Variants in PECAM1 observed in about 807,000 individuals in gnomAD.
PECAM1 encodes platelet endothelial cell adhesion molecule.
In PECAM1, 8 loss-of-function variants were observed where a neutral mutation model predicts 13.8. The ratio of observed to expected loss-of-function variants is 0.58; its 90% CI spans 0.34 to 1.05. The LOEUF is 1.05. Ranked by LOEUF, PECAM1 falls within the 50% of genes least tolerant of loss-of-function variation. The pLI is 0.03. For synonymous variants in PECAM1, 136 were observed against 52.6 expected (o/e 2.58, Z -6.86); for missense variants, 304 against 141.2 (o/e 2.15, Z -5.84).
intron 5 of PECAM1, among the ~76,000 whole-genome samples, chr17:64,367,278 G>A (rs73345122): frequency 0.066 from 10,051 of 152,162 alleles, 1,109 homozygotes; most frequent in African/African-American, 0.23. Context: ...CTGGCAGGGC[G>A]TGGTGGCTCA....
intron 9 of PECAM1, among the ~76,000 whole-genome samples, chr17:64,353,976 G>C (rs1234780192): frequency 7.2e-6 from 1 of 139,700 alleles, no homozygotes; most frequent in Non-Finnish European, 1.5e-5. Flanking sequence ...GTCTTGCTCT[G>C]TTGCCCAGGC....
Position 64,378,021 on chromosome 17 carries a change from G to A in PECAM1, c.188C>T (p.Thr63Ile). Reference protein sequence around the residue: ...LTLQCFADVSTTSHVKPQHQM... With the variant: ...LTLQCFADVSITSHVKPQHQM... ...GTGCTGAGGCTTGACGTGAGAGGTG[G>A]TGCTGACATCCGCGAAGCACTGCAG... is the stretch of plus-strand genomic sequence containing the variant. Residue 63 changes from threonine (T) to isoleucine (I), a missense_variant, in exon 3 of 16, where the codon ACC (threonine) becomes ATC (isoleucine). Transcript: ENST00000563924. 2.1e-6 allele frequency: 1 copy of A among 475,330 alleles called. No homozygotes were observed. The highest frequency in any genetic ancestry group is 6.0e-4 in the Middle Eastern group (1 of 1,660). 29.4% of individuals were successfully genotyped at this position (475,330 alleles called of 1,614,324 possible).
chr17:64,347,819 C>T (rs2035617292), intron 13 of PECAM1, among the ~76,000 whole-genome samples: 1 of 149,712 alleles, frequency 6.7e-6, no homozygotes, highest in Non-Finnish European at 1.5e-5. Context: ...CCACCTCTGC[C>T]TTCCGGGTTC....
In PECAM1 at chr17:64,319,858, G is replaced by C. The variant is rs2034787921; in HGVS notation, c.*3958C>G. On this transcript the variant is annotated 3_prime_UTR_variant, in exon 16 of 16. Transcript: ENST00000563924. ...CAGATCAGGGTGTTTTGTATCTATT[G>C]AGAGACTGTCCTTGCTTGGAGCTGG... 1 of 152,114 alleles carries C rather than the reference G, an allele frequency of 6.6e-6. No individual in the cohort carries two copies. Among genetic ancestry groups the C allele is most frequent in the South Asian group, 2.1e-4 (1 of 4,826 alleles). The allele number at this position is 152,114 out of a possible 1,614,324, so 9.4% of individuals were successfully genotyped here. A position where few individuals can be genotyped will look rare whatever the true frequency, so the allele number is the denominator to read the frequency against.
Position 64,323,356 on chromosome 17 carries a change from A to G in PECAM1, c.*460T>C. ...TTCCAAAGAACAAGGACTAGCCAAA[A>G]CTACAAGCCTTTGAAGGACCAAAGG... On this transcript the variant is annotated 3_prime_UTR_variant, in exon 16 of 16. Transcript: ENST00000563924. The G allele has an allele frequency of 9.2e-7, 1 of 1,081,202 alleles. No individual in the cohort carries two copies. The highest frequency in any genetic ancestry group is 1.1e-6 in the Non-Finnish European group (1 of 888,214). 67.0% of individuals were successfully genotyped at this position (1,081,202 alleles called of 1,614,324 possible). A position where few individuals can be genotyped will look rare whatever the true frequency, so the allele number is the denominator to read the frequency against.
At chr17:64,349,012 A>G (rs1255773135) in intron 12 of PECAM1, among the ~76,000 whole-genome samples, 1 of 152,082 alleles carries the variant, frequency 6.6e-6, no homozygotes, top group Non-Finnish European at 1.5e-5. Flanking sequence ...AGTTCTCCCA[A>G]TTCAGTCTCA....
chr17:64,345,644 C>T (rs908125055), intron 13 of PECAM1, among the ~76,000 whole-genome samples: 116 of 148,074 alleles, frequency 7.8e-4, no homozygotes, highest in Non-Finnish European at 1.4e-3. Flanking sequence ...ACCCGGGAAG[C>T]AGAGGAAGCA....
intron 14 of PECAM1, among the ~76,000 whole-genome samples, chr17:64,334,197 C>A (rs2035206483): frequency 2.0e-5 from 3 of 151,776 alleles, no homozygotes; most frequent in Admixed American, 2.0e-4. Flanking sequence ...CCACTGTCTG[C>A]AAGCTTTCCC....
chr17:64,362,405 T>A (rs1352394231), intron 6 of PECAM1, among the ~76,000 whole-genome samples: 1 of 152,118 alleles, frequency 6.6e-6, no homozygotes. Flanking sequence ...ATCCCAGGAC[T>A]TTGGGAGGCT....
At chr17:64,349,586 T>TAAAAAAAAAAAAAAAA (rs1598018601) in intron 12 of PECAM1, among the ~76,000 whole-genome samples, 1 of 8,344 alleles carries the variant, frequency 1.2e-4, no homozygotes, top group Admixed American at 2.6e-3. Context: ...AGACTCTGTA[T>TAAAAAAAAAAAAAAAA]CAAAAAAAAA....
At chr17:64,329,302 A>G (rs2143677184) in intron 15 of PECAM1, among the ~76,000 whole-genome samples, 1 of 152,250 alleles carries the variant, frequency 6.6e-6, no homozygotes, top group Non-Finnish European at 1.5e-5. Context: ...TGTCTCCTGC[A>G]GCTGATGGCC....
chr17:64,328,261 A>AAGCG (rs199854962), intron 15 of PECAM1, among the ~76,000 whole-genome samples: 10,763 of 152,314 alleles, frequency 0.071, 482 homozygotes, highest in Non-Finnish European at 0.11. Flanking sequence ...TCGCTTCAGG[A>AAGCG]GAACACATCT....
intron 10 of PECAM1, among the ~76,000 whole-genome samples, chr17:64,352,875 C>G (rs1472546922): frequency 6.6e-6 from 1 of 152,074 alleles, no homozygotes; most frequent in African/African-American, 2.4e-5. Context: ...GTCTTGAACT[C>G]CTGACCTCAG....
At chr17:64,341,815 A>G in intron 13 of PECAM1, 125 bp from the exon 14 acceptor site, 1 of 400,322 alleles carries the variant, frequency 2.5e-6, no homozygotes, top group Non-Finnish European at 4.5e-6. Flanking sequence ...CCCCACCAGA[A>G]CCAGGTCCAG....
intron 2 of PECAM1, among the ~76,000 whole-genome samples, chr17:64,383,144 C>T (rs1264591449): frequency 2.0e-5 from 3 of 152,232 alleles, no homozygotes; most frequent in Non-Finnish European, 4.4e-5. Context: ...GCTCTCCACA[C>T]GAGTCATTCA....
Position 64,336,516 on chromosome 17 carries a change from T to C in PECAM1, c.2164+5118A>G, listed in dbSNP as rs1007113608. Among the ~76,000 whole-genome samples, 36 of 152,282 alleles carry C rather than the reference T, an allele frequency of 2.4e-4. 1 individual carries two copies. The highest frequency in any genetic ancestry group is 8.4e-4 in the African/African-American group (35 of 41,558). ...AGATTACTTGGAAGATGTTTTCTAT[T>C]AAGGAAGTCCCAGAGAATTTAGGAG... On this transcript the variant is annotated intron_variant, in intron 14 of 15. Coordinates refer to ENST00000563924, the MANE Select transcript of PECAM1 (RefSeq NM_000442.5).
chr17:64,359,988 A>G (rs1213964943), intron 7 of PECAM1, among the ~76,000 whole-genome samples, 152 bp downstream of exon 7: 2 of 152,034 alleles, frequency 1.3e-5, no homozygotes, highest in Non-Finnish European at 2.9e-5. Context: ...CCTGGCCTCA[A>G]TGATTCACCG....
intron 13 of PECAM1, among the ~76,000 whole-genome samples, chr17:64,347,373 A>G (rs999148242): frequency 2.0e-5 from 3 of 150,882 alleles, no homozygotes; most frequent in Non-Finnish European, 4.4e-5. Flanking sequence ...CAAAAAAAAA[A>G]TAAATAAATT....
rs1340706619 is a variant in PECAM1, at chr17:64,323,527, A to G, written c.*289T>C. ...AATATTCAAGTTTCAGAATATCCCA[A>G]TGGCCTTGCCCTGGATCTCCTCTTG... On this transcript the variant is annotated 3_prime_UTR_variant, in exon 16 of 16. Coordinates refer to ENST00000563924, the MANE Select transcript of PECAM1 (RefSeq NM_000442.5). The G allele has an allele frequency of 1.0e-5, 14 of 1,379,590 alleles. No individual in the cohort carries two copies. In the South Asian group the frequency reaches 1.6e-4, roughly 15 times the overall value. 85.5% of individuals were successfully genotyped at this position (1,379,590 alleles called of 1,614,324 possible).
Sources: gnomAD v4.1 joint callset for allele counts (sites outside exome capture counted in the v4.1 genomes callset) on GRCh38, gnomAD v4.1.1 for gene constraint, MANE v1.5 for transcripts, NCBI Gene and HGNC (gene_info 2026-07-23, HGNC 2026-07-21) for gene names.